The following CEP85L variants were observed in gnomAD, a reference collection of about 807,000 sequenced individuals.
The protein encoded by CEP85L is centrosomal protein of 85 kDa-like.
Under a neutral mutation model 100.3 loss-of-function variants are expected in CEP85L, and 60 were observed. The observed-to-expected ratio is 0.60, with a 90% CI of 0.49 to 0.74. The LOEUF is 0.74. Among genes scored for constraint, CEP85L ranks in the 30% least tolerant of loss-of-function variants. The pLI is 0.00. For synonymous variants in CEP85L, 319 were observed against 322.7 expected (o/e 0.99, Z 0.12); for missense variants, 973 against 936.2 (o/e 1.04, Z -0.51).
chr6:118,463,770 ATAAC>A lies in CEP85L; in HGVS notation c.*1631_*1634del, dbSNP rs1175727364. ...AAATCTGATTTCTTTACAGTGTATT[ATAAC>A]TGATTATTCAACTATAACTATAAAA... On this transcript the variant is annotated 3_prime_UTR_variant, in exon 13 of 13. Coordinates refer to ENST00000368491, the MANE Select transcript of CEP85L (RefSeq NM_001042475.3). 1 of 152,110 alleles carries A rather than the reference ATAAC, an allele frequency of 6.6e-6. No homozygotes were observed. Among genetic ancestry groups the A allele is most frequent in the East Asian group, 1.9e-4 (1 of 5,190 alleles). 9.4% of individuals were successfully genotyped at this position (152,110 alleles called of 1,614,324 possible). A position where few individuals can be genotyped will look rare whatever the true frequency, so the allele number is the denominator to read the frequency against.
chr6:118,475,464 C>T (rs1773295738), intron 10 of CEP85L, among the ~76,000 whole-genome samples: 1 of 151,094 alleles, frequency 6.6e-6, no homozygotes, highest in Non-Finnish European at 1.5e-5. Flanking sequence ...TGCCATTCTC[C>T]TGCCTCAGCC....
intron 8 of CEP85L, 26 bp downstream of exon 8, chr6:118,481,753 T>C: frequency 7.3e-7 from 1 of 1,374,718 alleles, no homozygotes; most frequent in Non-Finnish European, 9.9e-7. Flanking sequence ...TAAAATAATG[T>C]AGAAGGATTC....
Position 118,566,218 on chromosome 6 carries a change from T to C in CEP85L, c.331A>G (p.Ile111Val), listed in dbSNP as rs748439490. The C allele has an allele frequency of 2.5e-6, 4 of 1,613,966 alleles. No individual in the cohort carries two copies. Among genetic ancestry groups the C allele is most frequent in the African/African-American group, 1.3e-5 (1 of 74,890 alleles). Residue 111 changes from isoleucine (I) to valine (V), a missense_variant, in exon 3 of 13, where the codon ATT (isoleucine) becomes GTT (valine). Transcript: ENST00000368491. ...GTCAATGATTCCCTAAGTTTGGAAATTGAAGCGCTGGAATTAGACGGCATC... is the reference window on the plus strand; with the variant it reads ...GTCAATGATTCCCTAAGTTTGGAAACTGAAGCGCTGGAATTAGACGGCATC... ...HVMPSNSSAS[I>V]SKLRESLTPD...
chr6:118,674,517 C>A (rs1299286082), intron 1 of CEP85L, among the ~76,000 whole-genome samples: 31 of 148,268 alleles, frequency 2.1e-4, no homozygotes, highest in Non-Finnish European at 1.0e-4. Flanking sequence ...GGGTAAGACT[C>A]CATCTCAAAA....
chr6:118,490,990 C>T (rs986975525), intron 6 of CEP85L, among the ~76,000 whole-genome samples: 11 of 152,038 alleles, frequency 7.2e-5, no homozygotes, highest in African/African-American at 1.9e-4. Flanking sequence ...TATAAACAAG[C>T]ATGTGCAAGT....
At chr6:118,698,661 T>C (rs991037747) in intron 1 of CEP85L, among the ~76,000 whole-genome samples, 11 of 152,214 alleles carry the variant, frequency 7.2e-5, no homozygotes, top group Admixed American at 6.5e-4. Flanking sequence ...AAGTTTCCAC[T>C]TGACTTAGCC....
chr6:118,531,545 C>T (rs975471807), intron 3 of CEP85L, among the ~76,000 whole-genome samples: 4 of 151,956 alleles, frequency 2.6e-5, no homozygotes, highest in Admixed American at 6.6e-5. Context: ...TTCTGCACAG[C>T]AAAAGAAACT....
At chr6:118,498,071 G>A (rs190825425) in intron 5 of CEP85L, among the ~76,000 whole-genome samples, 12 of 152,358 alleles carry the variant, frequency 7.9e-5, no homozygotes, top group Admixed American at 7.2e-4. Context: ...TTCAGGTGGT[G>A]TAGGGTTACT....
At chr6:118,678,309 T>C (rs1776543734) in intron 1 of CEP85L, among the ~76,000 whole-genome samples, 1 of 152,212 alleles carries the variant, frequency 6.6e-6, no homozygotes, top group Admixed American at 6.5e-5. Flanking sequence ...AACACACTGG[T>C]CATGCATTGG....
At chr6:118,620,212 A>C (rs1773348117) in intron 2 of CEP85L, among the ~76,000 whole-genome samples, 1 of 152,196 alleles carries the variant, frequency 6.6e-6, no homozygotes, top group African/African-American at 2.4e-5. Context: ...TTTATCACCC[A>C]ATCAGCGGCC....
chr6:118,681,959 C>G (rs538393443), intron 1 of CEP85L, among the ~76,000 whole-genome samples: 15 of 152,170 alleles, frequency 9.9e-5, no homozygotes, highest in African/African-American at 3.1e-4. Context: ...AGGCTGGTCT[C>G]AAACTCCTGA....
intron 1 of CEP85L, among the ~76,000 whole-genome samples, chr6:118,639,593 T>C (rs1774733460): frequency 6.6e-6 from 1 of 152,186 alleles, no homozygotes; most frequent in Non-Finnish European, 1.5e-5. Context: ...TTAAATACTT[T>C]GTTCACTCCC....
chr6:118,601,688 A>G lies in CEP85L; in HGVS notation c.232+30765T>C, dbSNP rs1781795615. 2.0e-5 allele frequency among the ~76,000 whole-genome samples: 3 copies of G among 152,272 alleles called. No individual in the cohort carries two copies. The South Asian group carries it at 6.2e-4, about 32-fold the overall frequency. On this transcript the variant is annotated intron_variant, in intron 2 of 12. Transcript: ENST00000368491. ...TGCCCATTTTTATGGTTAATTTTTGATGATATGCTAAACAGGGGGTGGATT... is the reference window on the plus strand; with the variant it reads ...TGCCCATTTTTATGGTTAATTTTTGGTGATATGCTAAACAGGGGGTGGATT...
intron 3 of CEP85L, among the ~76,000 whole-genome samples, chr6:118,539,425 G>A (rs930472664): frequency 6.6e-6 from 1 of 152,120 alleles, no homozygotes; most frequent in Non-Finnish European, 1.5e-5. Flanking sequence ...GTTTGTGTAA[G>A]TACACTCTAC....
intron 12 of CEP85L, 65 bp downstream of exon 12, chr6:118,469,007 G>A: frequency 9.1e-7 from 1 of 1,098,616 alleles, no homozygotes; most frequent in Non-Finnish European, 1.4e-6. Flanking sequence ...GCAGTCGGAA[G>A]TTCCTGATTC....
intron 1 of CEP85L, among the ~76,000 whole-genome samples, chr6:118,685,890 C>T (rs754879678): frequency 1.3e-5 from 2 of 152,046 alleles, no homozygotes; most frequent in Admixed American, 1.3e-4. Flanking sequence ...AAAAAGTGCA[C>T]GGGTTAAAGA....
chr6:118,617,116 A>G (rs1157065305), intron 2 of CEP85L, among the ~76,000 whole-genome samples: 1 of 152,212 alleles, frequency 6.6e-6, no homozygotes, highest in African/African-American at 2.4e-5. Flanking sequence ...AGGTGATGCC[A>G]GCTGGGCTTC....
At chr6:118,696,513 T>C (rs1230336897) in intron 1 of CEP85L, among the ~76,000 whole-genome samples, 2 of 152,304 alleles carry the variant, frequency 1.3e-5, no homozygotes, top group East Asian at 3.9e-4. Context: ...GCATTGGTGA[T>C]GAAAGGTCCA....
intron 1 of CEP85L, among the ~76,000 whole-genome samples, chr6:118,699,669 CTAT>C (rs995198507): frequency 4.0e-5 from 6 of 151,676 alleles, no homozygotes; most frequent in Admixed American, 6.6e-5. Context: ...AGCTCTAGTG[CTAT>C]TATTATTATT....
Sources: allele counts gnomAD v4.1 joint callset (sites outside exome capture counted in the v4.1 genomes callset), GRCh38; gene constraint gnomAD v4.1.1; transcripts MANE v1.5; gene names NCBI Gene and HGNC (gene_info 2026-07-23, HGNC 2026-07-21).